ARHGAP10: variants seen among roughly 807,000 people sequenced by gnomAD.
The protein encoded by ARHGAP10 is rho GTPase-activating protein 10.
Under a neutral mutation model 108.6 loss-of-function variants are expected in ARHGAP10, and 87 were observed. That is an observed-to-expected ratio of 0.80 (90% CI 0.67 to 0.96). ARHGAP10 has a LOEUF of 0.96. ARHGAP10 is among the 40% of genes least tolerant of loss of function. The pLI, the probability that ARHGAP10 is intolerant of heterozygous loss-of-function variation, is 0.00. For synonymous variants in ARHGAP10, 347 were observed against 341.1 expected, an observed-to-expected ratio of 1.02 and a Z score of -0.19; for missense variants, 939 against 954.5, an observed-to-expected ratio of 0.98 and a Z score of 0.21.
chr4:148,002,809 T>A lies in ARHGAP10; in HGVS notation c.1717-20454T>A, dbSNP rs181604020. On this transcript the variant is annotated intron_variant, in intron 18 of 22. Coordinates refer to ENST00000336498, the MANE Select transcript of ARHGAP10 (RefSeq NM_024605.4). Reference sequence around the variant, plus strand: ...TCTATTTGATTCTTTTCTCTTTTCTTCTTTATTAGTCTTGCTAGTGGTCTA... The same window carrying A: ...TCTATTTGATTCTTTTCTCTTTTCTACTTTATTAGTCTTGCTAGTGGTCTA... Among the ~76,000 whole-genome samples, 18 of 152,332 alleles carry A rather than the reference T, an allele frequency of 1.2e-4. No homozygotes were observed. The East Asian group carries it at 3.5e-3, about 29-fold the overall frequency.
intron 8 of ARHGAP10, 70 bp from the exon 9 acceptor site, chr4:147,879,162 A>C: frequency 8.0e-7 from 1 of 1,248,212 alleles, no homozygotes; most frequent in Non-Finnish European, 1.1e-6. Flanking sequence ...CCTCTTTAGT[A>C]ATGTGTTTAT....
rs546896558 is a variant in ARHGAP10 at position 148,064,585 on chromosome 4, C to T, written c.2272+78C>T. 191 of 1,316,814 alleles carry T rather than the reference C, an allele frequency of 1.5e-4. No individual in the cohort carries two copies. In the African/African-American group the frequency reaches 1.9e-3, roughly 13 times the overall value. The allele number at this position is 1,316,814 out of a possible 1,614,324, so 81.6% of individuals were successfully genotyped here. A position where few individuals can be genotyped will look rare whatever the true frequency, so the allele number is the denominator to read the frequency against. ...TCTGCAGCATGGAGTGAGCAGTCAG[C>T]GATGGTGCTGTTGTCGGGAGGGCGA... On this transcript the variant is annotated intron_variant, in intron 22 of 22. Transcript: ENST00000336498.
intron 1 of ARHGAP10, among the ~76,000 whole-genome samples, chr4:147,807,187 C>T (rs543751194): frequency 7.3e-6 from 1 of 136,194 alleles, no homozygotes; most frequent in Non-Finnish European, 1.5e-5. Context: ...TCTGTTCCCA[C>T]CCCCCAATTC....
At chr4:148,000,642 CA>C (rs1397569065) in intron 18 of ARHGAP10, among the ~76,000 whole-genome samples, 23 of 152,194 alleles carry the variant, frequency 1.5e-4, no homozygotes, top group African/African-American at 5.1e-4. Flanking sequence ...GATGGTATCT[CA>C]TTGTGGTTTT....
rs370822996 is a variant in ARHGAP10, at chr4:147,889,368, C to T, written c.1034+7436C>T. Among the ~76,000 whole-genome samples, 66 of 152,300 alleles carry T rather than the reference C, an allele frequency of 4.3e-4. No homozygotes were observed. In the South Asian group the frequency reaches 7.9e-3, roughly 18 times the overall value. ...AGTGTGCAGTGCAATGGCACGATCT[C>T]GGTTCACTGCAACCTCTGCCTCCCA... On this transcript the variant is annotated intron_variant, in intron 10 of 22. Coordinates refer to ENST00000336498, the MANE Select transcript of ARHGAP10 (RefSeq NM_024605.4).
chr4:147,944,225 CA>C (rs1231139816), intron 14 of ARHGAP10, among the ~76,000 whole-genome samples: 5 of 152,176 alleles, frequency 3.3e-5, no homozygotes, highest in Non-Finnish European at 7.3e-5. Flanking sequence ...CACCTTTAAT[CA>C]GGGGGCTTAA....
intron 3 of ARHGAP10, 147 bp from the exon 4 acceptor site, chr4:147,847,004 T>C (rs963126850): frequency 3.3e-6 from 2 of 607,302 alleles, no homozygotes; most frequent in South Asian, 4.2e-5. Context: ...GAGAAGTGAT[T>C]TAATTGTTGC....
chr4:147,947,352 G>A (rs957926606), intron 15 of ARHGAP10, among the ~76,000 whole-genome samples: 1 of 151,264 alleles, frequency 6.6e-6, no homozygotes, highest in African/African-American at 2.4e-5. Flanking sequence ...TTTATATGCT[G>A]TGGTTCTGTT....
chr4:147,732,500 G>A (rs536011691), intron 1 of ARHGAP10, 45 bp downstream of exon 1: 1 of 1,602,764 alleles, frequency 6.2e-7, no homozygotes, highest in South Asian at 1.1e-5. Flanking sequence ...GTGGCGAGGC[G>A]GCTGGGGGAG....
At chr4:147,808,274 G>A (rs1731866964) in intron 1 of ARHGAP10, among the ~76,000 whole-genome samples, 1 of 151,938 alleles carries the variant, frequency 6.6e-6, no homozygotes, top group Non-Finnish European at 1.5e-5. Flanking sequence ...GTGCATTCTA[G>A]GAGGAAGGCA....
intron 3 of ARHGAP10, among the ~76,000 whole-genome samples, chr4:147,843,630 G>A (rs1221662453): frequency 6.6e-6 from 1 of 152,076 alleles, no homozygotes; most frequent in East Asian, 1.9e-4. Context: ...GGGTTCAAGC[G>A]ATTCTCCTAC....
rs566688071 is a variant in ARHGAP10, at chr4:148,008,876, CAG to C, written c.1717-14382_1717-14381del. Among the ~76,000 whole-genome samples, 432 of 152,132 alleles carry C rather than the reference CAG, an allele frequency of 2.8e-3. 3 individuals carry two copies. The highest frequency in any genetic ancestry group is 4.8e-3 in the Non-Finnish European group (329 of 68,004). On this transcript the variant is annotated intron_variant, in intron 18 of 22. Transcript: ENST00000336498. ...TTAAAACATTGAATGCAGAAGGAGA[CAG>C]AGAGTCCGCTGTCTACTGTTAAGTC...
At chr4:147,770,954 T>C (rs1730051103) in intron 1 of ARHGAP10, among the ~76,000 whole-genome samples, 1 of 152,212 alleles carries the variant, frequency 6.6e-6, no homozygotes, top group African/African-American at 2.4e-5. Flanking sequence ...TCTTGTCACA[T>C]GGTCTTACCT....
chr4:147,863,545 G>A (rs1316950619), intron 5 of ARHGAP10: 2 of 152,170 alleles, frequency 1.3e-5, no homozygotes, highest in Non-Finnish European at 2.9e-5. Context: ...GCTATGAACA[G>A]GGGTGTACAC....
In ARHGAP10 at chr4:148,045,738, CAAAAAAAA is replaced by C. The variant is rs11363800; in HGVS notation, c.1868-1134_1868-1127del. ...GGGCAGCAAGAACGAAACTCCATCT[CAAAAAAAA>C]AAAAAAAAAAAAAAAAAAAGAAATC... On this transcript the variant is annotated intron_variant, in intron 19 of 22. Coordinates refer to ENST00000336498, the MANE Select transcript of ARHGAP10 (RefSeq NM_024605.4). Among the ~76,000 whole-genome samples the C allele has an allele frequency of 3.8e-4, 22 of 57,526 alleles. No homozygotes were observed. In the East Asian group the frequency reaches 4.8e-3, roughly 13 times the overall value. The allele number at this position is 57,526 out of a possible 152,430, so 37.7% of individuals were successfully genotyped here.
intron 8 of ARHGAP10, among the ~76,000 whole-genome samples, chr4:147,876,135 C>T (rs1735048240): frequency 1.3e-5 from 2 of 152,210 alleles, no homozygotes; most frequent in African/African-American, 4.8e-5. Flanking sequence ...TCTATGCAGG[C>T]AGCAGGATGG....
intron 1 of ARHGAP10, among the ~76,000 whole-genome samples, chr4:147,774,665 T>C (rs1730214915): frequency 6.6e-6 from 1 of 152,222 alleles, no homozygotes; most frequent in Non-Finnish European, 1.5e-5. Flanking sequence ...TTGTGTGTTG[T>C]GGAAGATAGT....
chr4:147,984,968 A>G (rs1434028931), intron 18 of ARHGAP10, among the ~76,000 whole-genome samples: 1 of 152,110 alleles, frequency 6.6e-6, no homozygotes, highest in East Asian at 1.9e-4. Flanking sequence ...ATCAGCTTTG[A>G]GGGGTGGTCC....
chr4:148,060,344 A>ACTTTTTTTTTTTTTTTTTTTTT lies in ARHGAP10; in HGVS notation c.2028-2804_2028-2803insCTTTTTTTTTTTTTTTTTTTTT, dbSNP rs1411745355. On this transcript the variant is annotated intron_variant, in intron 20 of 22. Coordinates refer to ENST00000336498, the MANE Select transcript of ARHGAP10 (RefSeq NM_024605.4). ...TGGTTACATAACGAAGCTCATGTTTAGTTTTTTTTTTTTTTTTTTTTTGGC... is the reference window on the plus strand; with the variant it reads ...TGGTTACATAACGAAGCTCATGTTTACTTTTTTTTTTTTTTTTTTTTTGTTTTTTTTTTTTTTTTTTTTTGGC... Among the ~76,000 whole-genome samples the ACTTTTTTTTTTTTTTTTTTTTT allele has an allele frequency of 2.5e-5, 3 of 120,844 alleles. 1 individual carries two copies. The highest frequency in any genetic ancestry group is 5.3e-5 in the Non-Finnish European group (3 of 56,894). 79.3% of individuals were successfully genotyped at this position (120,844 alleles called of 152,430 possible).
Sources: allele counts gnomAD v4.1 joint callset (sites outside exome capture counted in the v4.1 genomes callset), GRCh38; gene constraint gnomAD v4.1.1; transcripts MANE v1.5; gene names NCBI Gene and HGNC (gene_info 2026-07-23, HGNC 2026-07-21).